Variants in ARAP3 observed in about 807,000 individuals in gnomAD.
The protein encoded by ARAP3 is arf-GAP with Rho-GAP domain, ANK repeat and PH domain-containing protein 3.
ARAP3 carries 82 observed loss-of-function variants against 169.2 expected under a neutral mutation model. The ratio of observed to expected loss-of-function variants is 0.48; its 90% CI spans 0.41 to 0.58. The LOEUF (loss-of-function observed/expected upper bound fraction) is 0.58. Among genes scored for constraint, ARAP3 ranks in the 20% least tolerant of loss-of-function variants. The pLI, the probability that ARAP3 is intolerant of heterozygous loss-of-function variation, is 0.00. For synonymous variants in ARAP3, 791 were observed against 800.3 expected (o/e 0.99, Z 0.20); for missense variants, 1,764 against 2,018.0 (o/e 0.87, Z 2.41).
rs780757752 is a variant in ARAP3 at position 141,680,018 on chromosome 5, T to C, written c.469A>G (p.Asn157Asp). 9 of 1,614,026 alleles carry C rather than the reference T, an allele frequency of 5.6e-6. No individual in the cohort carries two copies. The South Asian group carries it at 9.9e-5, about 18-fold the overall frequency. ...SALNTVEMMP[N>D]SIYFGLDSRG... is the part of the protein sequence containing the mutation. ...GAGTCCAGGCCGAAGTAGATGGAAT[T>C]AGGCATCATCTCCACAGTATTTAGG... The change falls in exon 2 of 33, where the codon AAT becomes GAT. Residue 157 changes from asparagine (N) to aspartate (D), a missense_variant. Transcript: ENST00000239440.
Position 141,673,682 on chromosome 5 carries a change from G to A in ARAP3, c.825C>T (p.Pro275=). ...TEETSDDLIS[P]YASFSFTADR... is the part of the protein sequence containing the mutation. ...CTGCCGTGAAGGAGAAGCTGGCATA[G>A]GGTGAAATGAGGTCATCACTGGTCT... is the stretch of plus-strand genomic sequence containing the variant. The change falls in exon 5 of 33, where the codon CCC becomes CCT. Residue 275 remains proline (P), a synonymous_variant. Coordinates refer to ENST00000239440, the MANE Select transcript of ARAP3 (RefSeq NM_022481.6). 6.2e-7 allele frequency: 1 copy of A among 1,614,240 alleles called. No individual in the cohort carries two copies. The highest frequency in any genetic ancestry group is 8.5e-7 in the Non-Finnish European group (1 of 1,180,048).
At position 141,680,355 on chromosome 5, in the gene ARAP3, C is replaced by T. The variant is rs1159440288; in HGVS notation, c.132G>A (p.Leu44=). The T allele has an allele frequency of 6.2e-7, 1 of 1,614,234 alleles. No homozygotes were observed. Among genetic ancestry groups the T allele is most frequent in the South Asian group, 1.1e-5 (1 of 91,086 alleles). Reference sequence around the variant, plus strand: ...CTGTGGCGCTGATGCCCAACTGCTTCAACTCCTCGTGGCCCAGGCCCCGGG... The same window carrying T: ...CTGTGGCGCTGATGCCCAACTGCTTTAACTCCTCGTGGCCCAGGCCCCGGG... ...GAARGLGHEE[L]KQLGISATGH... The change falls in exon 2 of 33, where the codon TTG becomes TTA. Residue 44 remains leucine, a synonymous_variant. Coordinates refer to ENST00000239440, the MANE Select transcript of ARAP3 (RefSeq NM_022481.6).
chr5:141,656,778 A>AG lies in ARAP3; in HGVS notation c.3594dup (p.Cys1199LeufsTer25). ...TTTTTCAAGAGCAGGGAAGCTGAGC[A>AG]GGGCTCTGGGAGCTGGCACCATTGT... On this transcript the variant is annotated frameshift_variant, in exon 26 of 33. Coordinates refer to ENST00000239440, the MANE Select transcript of ARAP3 (RefSeq NM_022481.6). LOFTEE classifies it high-confidence loss of function. 6.2e-7 allele frequency: 1 copy of AG among 1,612,382 alleles called. No homozygotes were observed.
intron 23 of ARAP3, 136 bp from the exon 24 acceptor site, chr5:141,658,789 C>T (rs1186588089): frequency 3.4e-5 from 25 of 739,020 alleles, no homozygotes; most frequent in South Asian, 3.2e-4. Context: ...CACTCAGGCT[C>T]TTAAAAGGGA....
chr5:141,680,562 A>G (rs1369473026), intron 1 of ARAP3, 59 bp from the exon 2 acceptor site: 8 of 1,500,984 alleles, frequency 5.3e-6, no homozygotes, highest in Non-Finnish European at 7.1e-6. Context: ...TCTCTGCCCC[A>G]GAGTCTGAGG....
At chr5:141,660,737 C>T (rs2099909846) in intron 21 of ARAP3, among the ~76,000 whole-genome samples, 1 of 152,088 alleles carries the variant, frequency 6.6e-6, no homozygotes, top group Non-Finnish European at 1.5e-5. Context: ...CCTGCCTTGG[C>T]CTCCCAACAT....
chr5:141,672,406 G>A lies in ARAP3; in HGVS notation c.1386-105C>T. ...CACAGGCCACACCTGGGGCAGCCCA[G>A]ACCCTTCTGACATCTTGACCTAGCT... On this transcript the variant is annotated intron_variant, in intron 9 of 32. Transcript: ENST00000239440. This position sits in a 1 kb window ranked among gnomAD's most constrained non-coding sequence, Gnocchi z 4.9. 6.6e-7 allele frequency: 1 copy of A among 1,508,424 alleles called. No individual in the cohort carries two copies. Among genetic ancestry groups the A allele is most frequent in the Non-Finnish European group, 9.0e-7 (1 of 1,105,512 alleles). 93.4% of individuals were successfully genotyped at this position (1,508,424 alleles called of 1,614,324 possible). A position where few individuals can be genotyped will look rare whatever the true frequency, so the allele number is the denominator to read the frequency against.
intron 1 of ARAP3, among the ~76,000 whole-genome samples, chr5:141,681,015 T>C (rs2099912893): frequency 6.6e-6 from 1 of 152,134 alleles, no homozygotes; most frequent in East Asian, 1.9e-4. Flanking sequence ...AGCCGATGTA[T>C]GCAGGCCTGC....
At chr5:141,663,462 G>A (rs929417467) in intron 19 of ARAP3, among the ~76,000 whole-genome samples, 1 of 152,148 alleles carries the variant, frequency 6.6e-6, no homozygotes, top group African/African-American at 2.4e-5. Flanking sequence ...GCTAATTTTT[G>A]TATTTTAATA....
chr5:141,682,163 G>A lies in ARAP3; in HGVS notation c.-18+10C>T, dbSNP rs2099913115. 1 of 152,158 alleles carries A rather than the reference G, an allele frequency of 6.6e-6. No individual in the cohort carries two copies. Among genetic ancestry groups the A allele is most frequent in the African/African-American group, 2.4e-5 (1 of 41,416 alleles). The allele number at this position is 152,158 out of a possible 1,614,324, so 9.4% of individuals were successfully genotyped here. On this transcript the variant is annotated intron_variant, in intron 1 of 32. Coordinates refer to ENST00000239440, the MANE Select transcript of ARAP3 (RefSeq NM_022481.6). ...GGAAGCAGGGACCCGGGGGGCGCGG[G>A]GGTCCTCACCTCACTACGCGGCCGC...
In ARAP3 at chr5:141,669,914, GCTATTAC is replaced by G. The variant is rs1234248056; in HGVS notation, c.2249+1_2249+7del. On this transcript the variant is annotated splice_donor_variant and splice_donor_5th_base_variant and intron_variant, in intron 15 of 32. Coordinates refer to ENST00000239440, the MANE Select transcript of ARAP3 (RefSeq NM_022481.6). LOFTEE classifies it high-confidence loss of function. Reference sequence around the variant, plus strand: ...GGGGAAGCTCAGTGGTCACAGAAGGGCTATTACCTGTCACCTGGGTCAGTGGGTGGGG... The same window carrying G: ...GGGGAAGCTCAGTGGTCACAGAAGGGCTGTCACCTGGGTCAGTGGGTGGGG... 1 of 1,604,770 alleles carries G rather than the reference GCTATTAC, an allele frequency of 6.2e-7. No individual in the cohort carries two copies. Among genetic ancestry groups the G allele is most frequent in the Non-Finnish European group, 8.5e-7 (1 of 1,174,698 alleles).
intron 4 of ARAP3, among the ~76,000 whole-genome samples, chr5:141,677,010 G>T (rs528386120): frequency 4.8e-4 from 73 of 152,256 alleles, no homozygotes; most frequent in Admixed American, 7.2e-4. Context: ...CTCAGACCGT[G>T]GCGGCTCCAG....
Position 141,670,082 on chromosome 5 carries a change from G to A in ARAP3, c.2108-19C>T, listed in dbSNP as rs1437707110. ...GGGGGAGCTAAGGCAGAGGGAGATA[G>A]TCAGGGAGCAGCAGACCTCTGCCCC... On this transcript the variant is annotated intron_variant, in intron 14 of 32. Transcript: ENST00000239440. 1.3e-6 allele frequency: 2 copies of A among 1,582,624 alleles called. No individual in the cohort carries two copies. The highest frequency in any genetic ancestry group is 1.2e-5 in the South Asian group (1 of 85,450).
Position 141,656,844 on chromosome 5 carries a change from G to A in ARAP3, c.3529C>T (p.Arg1177Trp), listed in dbSNP as rs763618939. Residue 1177 changes from arginine to tryptophan, a missense_variant and splice_region_variant, in exon 26 of 33, where the codon CGG becomes TGG. By Grantham distance (101) the Arg-to-Trp change is moderately radical (BLOSUM62 -3). This residue lies in a region of ARAP3 where 1,112 missense variants were observed against 1,285.7 expected (regional missense o/e 0.86). Coordinates refer to ENST00000239440, the MANE Select transcript of ARAP3 (RefSeq NM_022481.6). ...ACCTTTTCCTTGGGATGCAGTGGCCGCTCTTAAGGGGAAAGGTGAGGGTTT... is the reference window on the plus strand; with the variant it reads ...ACCTTTTCCTTGGGATGCAGTGGCCACTCTTAAGGGGAAAGGTGAGGGTTT... The part of the protein sequence containing the change: ...FEIREHGELE[R>W]PLHPKEKVLE... 5.6e-6 allele frequency: 9 copies of A among 1,612,580 alleles called. No individual in the cohort carries two copies. Among genetic ancestry groups the A allele is most frequent in the Admixed American group, 5.0e-5 (3 of 59,798 alleles).
In ARAP3 at chr5:141,659,459, T is replaced by C; in HGVS notation, c.3285A>G (p.Val1095=). The part of the protein sequence containing the change: ...ISVFDIDSDQ[V]AQIDLEVSLI... The stretch of plus-strand genomic sequence containing the variant: ...GACTGACCTCCAAGTCAATCTGAGC[T>C]ACCTGGTCAGAATCGATCTGTGAAA... The change falls in exon 23 of 33, where the codon GTA becomes GTG. Residue 1095 remains valine, a synonymous_variant. Transcript: ENST00000239440. 6.2e-7 allele frequency: 1 copy of C among 1,614,174 alleles called. No homozygotes were observed. Among genetic ancestry groups the C allele is most frequent in the East Asian group, 2.2e-5 (1 of 44,880 alleles).
intron 19 of ARAP3, 41 bp downstream of exon 19, chr5:141,664,881 C>T (rs1437076266): frequency 4.7e-6 from 2 of 429,656 alleles, no homozygotes; most frequent in Non-Finnish European, 9.1e-6. Flanking sequence ...CACCCCCACC[C>T]CCCACCCCCA....
intron 21 of ARAP3, among the ~76,000 whole-genome samples, chr5:141,660,359 T>C (rs908681739): frequency 6.6e-5 from 10 of 151,658 alleles, no homozygotes; most frequent in African/African-American, 2.4e-4. Flanking sequence ...CCGGGCGTGA[T>C]GGTGGGTGCC....
Position 141,671,456 on chromosome 5 carries a change from G to A in ARAP3, c.1855-56C>T. On this transcript the variant is annotated intron_variant, in intron 12 of 32. Coordinates refer to ENST00000239440, the MANE Select transcript of ARAP3 (RefSeq NM_022481.6). This position sits in a 1 kb window ranked among gnomAD's most constrained non-coding sequence, Gnocchi z 4.9. Reference sequence around the variant, plus strand: ...CAAATCCCAAACTGAGAGCACTGGGGACAGTCGTATCATCACTAAAAACAG... The same window carrying A: ...CAAATCCCAAACTGAGAGCACTGGGAACAGTCGTATCATCACTAAAAACAG... 6.3e-7 allele frequency: 1 copy of A among 1,595,874 alleles called. No individual in the cohort carries two copies. The highest frequency in any genetic ancestry group is 8.5e-7 in the Non-Finnish European group (1 of 1,170,452).
Position 141,666,435 on chromosome 5 carries a change from A to G in ARAP3, c.2561T>C (p.Leu854Pro). 2 of 1,583,646 alleles carry G rather than the reference A, an allele frequency of 1.3e-6. No individual in the cohort carries two copies. The highest frequency in any genetic ancestry group is 1.7e-6 in the Non-Finnish European group (2 of 1,164,584). ...APEDMVHLRR[L>P]QEISVVSAAD... ...ACCTCCCCGCTTACTGATCTCCTGT[A>G]GCCGCCGCAGATGCACCATGTCCTC... is the stretch of plus-strand genomic sequence containing the variant. The change falls in exon 17 of 33, where the codon CTA (leucine) becomes CCA (proline). Residue 854 changes from leucine (L) to proline (P), a missense_variant. Around this residue, in one of 3 missense-constraint regions of ARAP3, gnomAD observed 1,112 missense variants for 1,285.7 expected, o/e 0.86. Transcript: ENST00000239440.
Sources: allele counts gnomAD v4.1 joint callset (sites outside exome capture counted in the v4.1 genomes callset), GRCh38; gene constraint gnomAD v4.1.1; regional missense constraint gnomAD v4.1.1; non-coding constraint Gnocchi (gnomAD v3.1); transcripts MANE v1.5; gene names NCBI Gene and HGNC (gene_info 2026-07-23, HGNC 2026-07-21).